CAPZB: variants seen among roughly 807,000 people sequenced by gnomAD.
The protein encoded by CAPZB is F-actin-capping protein subunit beta.
A neutral mutation model predicts 38.1 loss-of-function variants in CAPZB; 2 were observed. That is an observed-to-expected ratio of 0.05 (90% CI 0.02 to 0.17). The LOEUF (loss-of-function observed/expected upper bound fraction) is 0.17, where lower values mean the gene tolerates loss of function less well. Among genes scored for constraint, CAPZB ranks in the 10% least tolerant of loss-of-function variants. CAPZB has a pLI of 1.00. For synonymous variants in CAPZB, 107 were observed against 127.4 expected, an observed-to-expected ratio of 0.84 and a Z score of 1.08; for missense variants, 161 against 334.2, an observed-to-expected ratio of 0.48 and a Z score of 4.04.
chr1:19,379,229 G>A (rs895768516), intron 3 of CAPZB, among the ~76,000 whole-genome samples: 1 of 151,926 alleles, frequency 6.6e-6, no homozygotes, highest in African/African-American at 2.4e-5. Context: ...CTCCTGAGTA[G>A]CTGGAATTGC....
At chr1:19,437,843 A>AT (rs1166432130) in intron 1 of CAPZB, among the ~76,000 whole-genome samples, 2 of 152,212 alleles carry the variant, frequency 1.3e-5, no homozygotes, top group Non-Finnish European at 2.9e-5. Context: ...TACTTAGCTC[A>AT]TAAGTTCTGT....
rs1316088985 is a variant in CAPZB, at chr1:19,429,150, C to G, written c.4-9400G>C. Among the ~76,000 whole-genome samples, 6 of 152,160 alleles carry G rather than the reference C, an allele frequency of 3.9e-5. No individual in the cohort carries two copies. In the South Asian group the frequency reaches 1.0e-3, roughly 26 times the overall value. ...ATGAGTAGCCACTCTTGGAACAGCA[C>G]CCTGTGTCTGCTTTTTACATTTATC... On this transcript the variant is annotated intron_variant, in intron 1 of 8. Coordinates refer to ENST00000264202, the MANE Select transcript of CAPZB (RefSeq NM_004930.5).
intron 4 of CAPZB, among the ~76,000 whole-genome samples, chr1:19,367,032 A>G (rs2094092501): frequency 6.6e-6 from 1 of 152,236 alleles, no homozygotes; most frequent in African/African-American, 2.4e-5. Context: ...CGTGGTGTAG[A>G]CCAACGTTCC....
At chr1:19,428,757 C>A (rs1029348056) in intron 1 of CAPZB, among the ~76,000 whole-genome samples, 1 of 152,148 alleles carries the variant, frequency 6.6e-6, no homozygotes, top group South Asian at 2.1e-4. Context: ...GAGCCCTTCT[C>A]CCCCGTGAGT....
chr1:19,467,423 C>A (rs149505767), intron 1 of CAPZB, among the ~76,000 whole-genome samples: 10 of 152,170 alleles, frequency 6.6e-5, no homozygotes, highest in Admixed American at 1.3e-4. Context: ...GGAGTGAGGC[C>A]CCCACAGCAG....
chr1:19,432,598 C>T (rs1234281777), intron 1 of CAPZB, among the ~76,000 whole-genome samples: 2 of 152,204 alleles, frequency 1.3e-5, no homozygotes, highest in African/African-American at 4.8e-5. Context: ...AAGGGTGGCC[C>T]GGCATGGGCC....
chr1:19,374,133 G>A (rs986389051), intron 4 of CAPZB: 1 of 152,396 alleles, frequency 6.6e-6, no homozygotes, highest in East Asian at 1.9e-4. Context: ...CTTCTGGCAT[G>A]AGCCAGCAGG....
chr1:19,417,918 C>A lies in CAPZB; in HGVS notation c.93+1743G>T, dbSNP rs527426003. 3.2e-4 allele frequency among the ~76,000 whole-genome samples: 48 copies of A among 152,224 alleles called. 1 individual carries two copies. In the East Asian group the frequency reaches 8.7e-3, roughly 28 times the overall value. The stretch of plus-strand genomic sequence containing the variant: ...TTGGGAGGCCGAGACAGGCAGATCA[C>A]TTGAGGTCAAGAGTTTGAGACAAGC... On this transcript the variant is annotated intron_variant, in intron 2 of 8. Coordinates refer to ENST00000264202, the MANE Select transcript of CAPZB (RefSeq NM_004930.5).
intron 4 of CAPZB, among the ~76,000 whole-genome samples, chr1:19,358,443 A>T (rs2094033628): frequency 6.6e-6 from 1 of 152,224 alleles, no homozygotes; most frequent in African/African-American, 2.4e-5. Context: ...TGGCCCAGAA[A>T]CATTTCTAAT....
At chr1:19,342,577 CGT>C (rs1327010943) in intron 8 of CAPZB, among the ~76,000 whole-genome samples, 6 of 152,078 alleles carry the variant, frequency 3.9e-5, no homozygotes, top group Non-Finnish European at 8.8e-5. Flanking sequence ...TGATAGGTGC[CGT>C]GTTACATGGG....
At chr1:19,354,517 G>T (rs957431679) in intron 6 of CAPZB, among the ~76,000 whole-genome samples, 1 of 152,204 alleles carries the variant, frequency 6.6e-6, no homozygotes, top group African/African-American at 2.4e-5. Flanking sequence ...CCGTTAGAAT[G>T]ATGGCAGAGC....
chr1:19,343,971 G>C (rs924706162), intron 8 of CAPZB, among the ~76,000 whole-genome samples: 5 of 152,218 alleles, frequency 3.3e-5, no homozygotes, highest in Admixed American at 2.6e-4. Flanking sequence ...GTCTCGGAGA[G>C]CAGGCCAGCC....
intron 1 of CAPZB, among the ~76,000 whole-genome samples, chr1:19,420,512 G>A (rs956544413): frequency 1.6e-4 from 24 of 150,746 alleles, no homozygotes; most frequent in Admixed American, 8.6e-4. Context: ...CACTTTCCAG[G>A]CTCAAGTGAT....
intron 8 of CAPZB, among the ~76,000 whole-genome samples, chr1:19,343,965 C>CG (rs2100238044): frequency 6.6e-6 from 1 of 152,322 alleles, no homozygotes; most frequent in East Asian, 1.9e-4. Flanking sequence ...TCTGCTGTCT[C>CG]GGAGAGCAGG....
intron 1 of CAPZB, among the ~76,000 whole-genome samples, chr1:19,469,465 C>T (rs2094579143): frequency 6.6e-6 from 1 of 151,932 alleles, no homozygotes; most frequent in African/African-American, 2.4e-5. Flanking sequence ...ACAGCAAAAA[C>T]CATGAGCTAA....
chr1:19,349,498 C>G (rs76574843), intron 6 of CAPZB, among the ~76,000 whole-genome samples: 2 of 152,162 alleles, frequency 1.3e-5, no homozygotes, highest in African/African-American at 4.8e-5. Context: ...AGAGAGGCCG[C>G]GGCCATCGGC....
intron 2 of CAPZB, among the ~76,000 whole-genome samples, chr1:19,405,356 C>A (rs2094325605): frequency 6.6e-6 from 1 of 152,056 alleles, no homozygotes; most frequent in Non-Finnish European, 1.5e-5. Context: ...CAGCACACAG[C>A]AGTGCTTTCA....
intron 8 of CAPZB, chr1:19,342,911 C>T (rs546283890): frequency 2.5e-5 from 30 of 1,199,792 alleles, no homozygotes; most frequent in Non-Finnish European, 3.2e-5. Context: ...AAGAGAACGA[C>T]GAGAAGCCAG....
At position 19,356,906 on chromosome 1, in the gene CAPZB, G is replaced by A; in HGVS notation, c.472-155C>T. On this transcript the variant is annotated intron_variant, in intron 5 of 8. Coordinates refer to ENST00000264202, the MANE Select transcript of CAPZB (RefSeq NM_004930.5). The surrounding 1 kb of genome is among the most constrained non-coding windows in gnomAD (Gnocchi z 4.3). The stretch of plus-strand genomic sequence containing the variant: ...AGACAAAGTCTCGCTCTGTCACCCA[G>A]GCTGGAGTGCAGTGGTGCGATCTCA... 6.6e-6 allele frequency among the ~76,000 whole-genome samples: 1 copy of A among 151,800 alleles called. No homozygotes were observed. The highest frequency in any genetic ancestry group is 2.4e-5 in the African/African-American group (1 of 41,246).
Sources: gnomAD v4.1 joint callset for allele counts (sites outside exome capture counted in the v4.1 genomes callset) on GRCh38, gnomAD v4.1.1 for gene constraint, Gnocchi (gnomAD v3.1) non-coding constraint, MANE v1.5 for transcripts, NCBI Gene and HGNC (gene_info 2026-07-23, HGNC 2026-07-21) for gene names.